PIK3C2G: variants seen among roughly 807,000 people sequenced by gnomAD.
The protein encoded by PIK3C2G is phosphatidylinositol 3-kinase C2 domain-containing subunit gamma.
A neutral mutation model predicts 181.1 loss-of-function variants in PIK3C2G; 168 were observed. The ratio of observed to expected loss-of-function variants is 0.93; its 90% CI spans 0.82 to 1.05. PIK3C2G has a LOEUF of 1.05. PIK3C2G is among the 50% of genes least tolerant of loss of function. The pLI, the probability that PIK3C2G is intolerant of heterozygous loss-of-function variation, is 0.00. For missense variants in PIK3C2G, 1,869 were observed against 1,732.8 expected (o/e 1.08, Z -1.40); for synonymous variants, 573 against 592.2 (o/e 0.97, Z 0.47).
intron 18 of PIK3C2G, among the ~76,000 whole-genome samples, chr12:18,477,093 T>C (rs552067749): frequency 2.6e-5 from 4 of 152,204 alleles, no homozygotes; most frequent in South Asian, 2.1e-4. Context: ...CCTTTCTCTG[T>C]GTGCGTGTGC....
chr12:18,714,352 T>A, the PIK3C2G span, among the ~76,000 whole-genome samples: 1 of 152,216 alleles, frequency 6.6e-6, no homozygotes, highest in East Asian at 1.9e-4. Context: ...GTTAGTGCTG[T>A]TTCTACAACA....
At chr12:18,412,033 T>A (rs973066919) in intron 16 of PIK3C2G, among the ~76,000 whole-genome samples, 2 of 152,204 alleles carry the variant, frequency 1.3e-5, no homozygotes, top group Non-Finnish European at 2.9e-5. Flanking sequence ...GTTGAAATTT[T>A]ATTTCATGAC....
intron 25 of PIK3C2G, among the ~76,000 whole-genome samples, chr12:18,541,980 G>A (rs1944177041): frequency 1.3e-5 from 2 of 151,830 alleles, no homozygotes; most frequent in Middle Eastern, 3.2e-3. Context: ...GGTTCATCTG[G>A]TATGAAGCAG....
chr12:18,431,893 T>G (rs1946179681), intron 18 of PIK3C2G, among the ~76,000 whole-genome samples: 1 of 152,170 alleles, frequency 6.6e-6, no homozygotes, highest in Non-Finnish European at 1.5e-5. Flanking sequence ...ATCCCTACCT[T>G]CAGCAACTTG....
At chr12:18,265,335 CA>C (rs1198117172) in intron 1 of PIK3C2G, among the ~76,000 whole-genome samples, 1 of 152,054 alleles carries the variant, frequency 6.6e-6, no homozygotes. Context: ...AAATGCAAAA[CA>C]AATGTTTTTG....
chr12:18,421,177 T>C, intron 17 of PIK3C2G, 143 bp downstream of exon 17: 1 of 426,528 alleles, frequency 2.3e-6, no homozygotes, highest in Non-Finnish European at 4.2e-6. Context: ...ACATGGGTAA[T>C]GAAGACATTC....
At chr12:18,362,476 GAATTC>G (rs1941322858) in intron 11 of PIK3C2G, among the ~76,000 whole-genome samples, 1 of 152,118 alleles carries the variant, frequency 6.6e-6, no homozygotes, top group African/African-American at 2.4e-5. Context: ...GGCTGGTTTT[GAATTC>G]ACCTGGGATA....
chr12:18,691,590 A>G, the PIK3C2G span, among the ~76,000 whole-genome samples: 1 of 152,190 alleles, frequency 6.6e-6, no homozygotes, highest in African/African-American at 2.4e-5. Context: ...AGGAGAGTCC[A>G]GTCCCAGAGC....
At chr12:18,365,482 ATGTT>A (rs1941575660) in intron 12 of PIK3C2G, among the ~76,000 whole-genome samples, 1 of 152,106 alleles carries the variant, frequency 6.6e-6, no homozygotes, top group African/African-American at 2.4e-5. Flanking sequence ...ACTGAATCCA[ATGTT>A]TGTTTCTCAA....
chr12:18,332,691 T>C (rs1344479082), intron 8 of PIK3C2G, among the ~76,000 whole-genome samples: 2 of 152,122 alleles, frequency 1.3e-5, no homozygotes, highest in African/African-American at 4.8e-5. Flanking sequence ...AAGACTATTT[T>C]GCTTTTTACT....
intron 26 of PIK3C2G, among the ~76,000 whole-genome samples, chr12:18,559,803 TATATATATATATATATATAGAGAGAGAG>T (rs1296487256): frequency 6.9e-3 from 356 of 51,330 alleles, no homozygotes; most frequent in African/African-American, 7.5e-3. Flanking sequence ...TATATATATA[TATATATATATATATATATAGAGAGAGAG>T]AGAGAGAGAG....
chr12:18,699,145 C>T, the PIK3C2G span, among the ~76,000 whole-genome samples: 1 of 152,150 alleles, frequency 6.6e-6, no homozygotes, highest in African/African-American at 2.4e-5. Flanking sequence ...ACAGATGGCA[C>T]CTCTACAGGT....
chr12:18,623,051 T>C (rs891750481), intron 31 of PIK3C2G, among the ~76,000 whole-genome samples: 2 of 151,886 alleles, frequency 1.3e-5, no homozygotes, highest in African/African-American at 4.8e-5. Context: ...CATTTTGATG[T>C]AATCCCATTT....
chr12:18,562,260 T>C (rs898835122), intron 26 of PIK3C2G, among the ~76,000 whole-genome samples: 3 of 152,064 alleles, frequency 2.0e-5, no homozygotes, highest in Non-Finnish European at 4.4e-5. Flanking sequence ...GGCTCCCGAG[T>C]AGCTGGGACT....
At chr12:18,714,710 GAT>G in the PIK3C2G span, 1 of 152,140 alleles carries the variant, frequency 6.6e-6, no homozygotes, top group Non-Finnish European at 1.5e-5. Flanking sequence ...TCACAGGAGG[GAT>G]TTGGCAATGT....
chr12:18,263,675 G>A (rs994446213), intron 1 of PIK3C2G, among the ~76,000 whole-genome samples: 3 of 152,072 alleles, frequency 2.0e-5, no homozygotes, highest in Admixed American at 6.5e-5. Context: ...CAATAGGTTC[G>A]TTTTGTCTTT....
At chr12:18,595,389 A>G (rs1022620327) in intron 30 of PIK3C2G, among the ~76,000 whole-genome samples, 3 of 152,096 alleles carry the variant, frequency 2.0e-5, no homozygotes, top group Admixed American at 6.6e-5. Flanking sequence ...CTAGGAAAAC[A>G]TTAAGCAAAA....
intron 29 of PIK3C2G, among the ~76,000 whole-genome samples, chr12:18,588,700 T>C (rs1305341469): frequency 6.6e-6 from 1 of 152,118 alleles, no homozygotes; most frequent in Non-Finnish European, 1.5e-5. Context: ...CTCAAGAAGC[T>C]AGAAAGAGAA....
At chr12:18,432,290 C>A (rs1488052248) in intron 18 of PIK3C2G, among the ~76,000 whole-genome samples, 1 of 152,108 alleles carries the variant, frequency 6.6e-6, no homozygotes, top group South Asian at 2.1e-4. Context: ...CCCTCAAAAT[C>A]TTCTATTTTG....
Sources: allele counts gnomAD v4.1 joint callset (sites outside exome capture counted in the v4.1 genomes callset), GRCh38; gene constraint gnomAD v4.1.1; transcripts MANE v1.5; gene names NCBI Gene and HGNC (gene_info 2026-07-23, HGNC 2026-07-21).